The following FBXL17 variants were observed in gnomAD, a reference collection of about 807,000 sequenced individuals.
FBXL17 encodes the protein F-box and leucine rich repeat protein 17, also known as F-box/LRR-repeat protein 17.
Under a neutral mutation model 66.2 loss-of-function variants are expected in FBXL17, and 22 were observed. The observed-to-expected ratio is 0.33, with a 90% CI of 0.24 to 0.47. The LOEUF is 0.47. Ranked by LOEUF, FBXL17 falls within the 20% of genes least tolerant of loss-of-function variation. FBXL17 has a pLI of 1.00. For synonymous variants in FBXL17, 474 were observed against 400.5 expected (o/e 1.18, Z -2.19); for missense variants, 878 against 948.2 (o/e 0.93, Z 0.97).
intron 1 of FBXL17, among the ~76,000 whole-genome samples, chr5:108,370,111 G>A (rs1561560128): frequency 6.6e-6 from 1 of 152,114 alleles, no homozygotes; most frequent in East Asian, 1.9e-4. Flanking sequence ...GGATGTGGGA[G>A]GAAACCAGAA....
intron 4 of FBXL17, among the ~76,000 whole-genome samples, chr5:108,229,226 C>CA (rs1561476970): frequency 6.6e-6 from 1 of 151,550 alleles, no homozygotes; most frequent in Non-Finnish European, 1.5e-5. Flanking sequence ...CATATGCAAC[C>CA]AAAAAAAGAG....
chr5:108,149,922 C>A (rs554475255), intron 6 of FBXL17, among the ~76,000 whole-genome samples: 42 of 152,258 alleles, frequency 2.8e-4, no homozygotes, highest in Admixed American at 7.2e-4. Context: ...GGCCCCTTAA[C>A]TTTCCACCTT....
intron 6 of FBXL17, among the ~76,000 whole-genome samples, chr5:108,121,907 G>T (rs1321632624): frequency 6.6e-6 from 1 of 152,078 alleles, no homozygotes; most frequent in Non-Finnish European, 1.5e-5. Context: ...TTTTAAAGAG[G>T]ATGACAAGAG....
chr5:108,376,354 C>T (rs1463790807), intron 1 of FBXL17, among the ~76,000 whole-genome samples: 1 of 152,140 alleles, frequency 6.6e-6, no homozygotes, highest in Non-Finnish European at 1.5e-5. Flanking sequence ...TCACAGATGT[C>T]ATGGTCTTAT....
intron 6 of FBXL17, among the ~76,000 whole-genome samples, chr5:108,038,325 T>A (rs1164579930): frequency 6.6e-6 from 1 of 152,092 alleles, no homozygotes; most frequent in Non-Finnish European, 1.5e-5. Flanking sequence ...AAAAAACCCA[T>A]CTGATAGAGA....
At chr5:108,053,827 C>G (rs1238565579) in intron 6 of FBXL17, among the ~76,000 whole-genome samples, 5 of 152,166 alleles carry the variant, frequency 3.3e-5, no homozygotes, top group Admixed American at 6.5e-5. Flanking sequence ...TTTACTACAG[C>G]ACTATTTACA....
intron 6 of FBXL17, among the ~76,000 whole-genome samples, chr5:108,181,705 T>C (rs868370162): frequency 5.3e-5 from 8 of 152,150 alleles, no homozygotes; most frequent in African/African-American, 1.9e-4. Flanking sequence ...TCAGGATAAA[T>C]CTTTGTAATA....
chr5:108,230,940 GA>G (rs1431274766), intron 4 of FBXL17, among the ~76,000 whole-genome samples: 4 of 121,094 alleles, frequency 3.3e-5, no homozygotes, highest in African/African-American at 5.7e-5. Flanking sequence ...ATAAGTTATG[GA>G]AATTTTTTTT....
intron 6 of FBXL17, among the ~76,000 whole-genome samples, chr5:108,041,584 T>C (rs1317625038): frequency 6.6e-6 from 1 of 151,950 alleles, no homozygotes; most frequent in Admixed American, 6.6e-5. Flanking sequence ...ATCTGGCTAA[T>C]TTTTTTAATT....
chr5:107,912,191 C>G (rs1749969834), intron 7 of FBXL17, among the ~76,000 whole-genome samples: 1 of 152,018 alleles, frequency 6.6e-6, no homozygotes, highest in Admixed American at 6.6e-5. Context: ...GAGTGCTTAC[C>G]TTGTGCCAAG....
chr5:108,025,722 C>T (rs113088207), intron 6 of FBXL17, among the ~76,000 whole-genome samples: 2 of 119,502 alleles, frequency 1.7e-5, no homozygotes, highest in African/African-American at 7.4e-5. Context: ...CACACACGCG[C>T]GCGCGCACAC....
chr5:108,163,850 T>C (rs762656726), intron 6 of FBXL17, among the ~76,000 whole-genome samples: 11 of 152,238 alleles, frequency 7.2e-5, no homozygotes, highest in Admixed American at 2.6e-4. Context: ...TTTGAAACTT[T>C]CCACCTAATT....
intron 3 of FBXL17, among the ~76,000 whole-genome samples, chr5:108,361,816 G>A (rs1292873185): frequency 6.6e-6 from 1 of 152,110 alleles, no homozygotes; most frequent in Non-Finnish European, 1.5e-5. Context: ...ATAGCTCTCA[G>A]GTAGGTTGAT....
chr5:108,381,604 G>A lies in FBXL17; in HGVS notation c.88C>T (p.Leu30Phe). 6.8e-7 allele frequency: 1 copy of A among 1,480,618 alleles called. No homozygotes were observed. Among genetic ancestry groups the A allele is most frequent in the Middle Eastern group, 1.8e-4 (1 of 5,420 alleles). 91.7% of individuals were successfully genotyped at this position (1,480,618 alleles called of 1,614,324 possible). The change falls in exon 1 of 9, where the codon CTC (leucine) becomes TTC (phenylalanine). Residue 30 changes from leucine to phenylalanine, a missense_variant. Around this residue, in one of 4 missense-constraint regions of FBXL17, gnomAD observed 605 missense variants for 509.5 expected, o/e 1.19. Coordinates refer to ENST00000542267, the MANE Select transcript of FBXL17 (RefSeq NM_001163315.3). ...GGGGTCCGGCGGGGCAGCCTGAGGAGAGGGCGCCGGCGGCGGCACCAACTG... is the reference window on the plus strand; with the variant it reads ...GGGGTCCGGCGGGGCAGCCTGAGGAAAGGGCGCCGGCGGCGGCACCAACTG... Reference protein sequence around the residue: ...CCSWCRRRRPLLRLPRRTPAK... With the variant: ...CCSWCRRRRPFLRLPRRTPAK...
At chr5:108,163,631 G>T (rs541433822) in intron 6 of FBXL17, among the ~76,000 whole-genome samples, 1 of 151,980 alleles carries the variant, frequency 6.6e-6, no homozygotes, top group Non-Finnish European at 1.5e-5. Flanking sequence ...TCGATCTCCC[G>T]ACCTCATGAT....
intron 8 of FBXL17, chr5:107,879,899 G>C (rs937229062): frequency 4.1e-6 from 4 of 985,324 alleles, no homozygotes; most frequent in African/African-American, 3.5e-5. Context: ...AGACTCCAAA[G>C]ACCCGGCATG....
intron 6 of FBXL17, among the ~76,000 whole-genome samples, chr5:108,044,938 T>A (rs1747196129): frequency 2.0e-5 from 3 of 152,208 alleles, no homozygotes; most frequent in Admixed American, 2.0e-4. Flanking sequence ...AATTGTTTAT[T>A]GTATTTCTTT....
intron 7 of FBXL17, among the ~76,000 whole-genome samples, chr5:107,973,395 A>G (rs1210535432): frequency 4.0e-4 from 52 of 130,688 alleles, no homozygotes; most frequent in African/African-American, 1.5e-3. Flanking sequence ...GTTATCAGTC[A>G]GGGTTAGTGT....
At chr5:107,877,078 T>G (rs1748636836) in intron 8 of FBXL17, among the ~76,000 whole-genome samples, 1 of 152,202 alleles carries the variant, frequency 6.6e-6, no homozygotes, top group Non-Finnish European at 1.5e-5. Context: ...TTTCTTCTCT[T>G]GGTTCTTACA....
Sources: gnomAD v4.1 joint callset for allele counts (sites outside exome capture counted in the v4.1 genomes callset) on GRCh38, gnomAD v4.1.1 for gene constraint, gnomAD v4.1.1 regional missense constraint, MANE v1.5 for transcripts, NCBI Gene and HGNC (gene_info 2026-07-23, HGNC 2026-07-21) for gene names.